Variants in CFAP54 observed in about 807,000 individuals in gnomAD.
The protein encoded by CFAP54 is cilia and flagella associated protein 54.
A neutral mutation model predicts 370.4 loss-of-function variants in CFAP54; 290 were observed. That is an observed-to-expected ratio of 0.78 (90% CI 0.71 to 0.86). The LOEUF (loss-of-function observed/expected upper bound fraction) is 0.86. CFAP54 is among the 40% of genes least tolerant of loss of function. The pLI is 0.00. For synonymous variants in CFAP54, 1,206 were observed against 1,236.5 expected (o/e 0.98, Z 0.52); for missense variants, 3,399 against 3,528.7 (o/e 0.96, Z 0.93).
intron 22 of CFAP54, among the ~76,000 whole-genome samples, chr12:96,581,336 A>G (rs1374548656): frequency 6.6e-6 from 1 of 152,166 alleles, no homozygotes; most frequent in Non-Finnish European, 1.5e-5. Flanking sequence ...TGTAACACAT[A>G]TATATTAATT....
intron 55 of CFAP54, among the ~76,000 whole-genome samples, chr12:96,749,994 A>G (rs1958164570): frequency 6.6e-6 from 1 of 152,204 alleles, no homozygotes; most frequent in Non-Finnish European, 1.5e-5. Context: ...TTCCCTGTGA[A>G]GCACCAGGAG....
rs746710187 is a variant in CFAP54, at chr12:96,651,711, A to G, written c.4996A>G (p.Ile1666Val). ...QAVDLDKTFP[I>V]SQDGFLCTSV... The stretch of plus-strand genomic sequence containing the variant: ...AGTGGATCTTGATAAAACATTTCCT[A>G]TTAGCCAAGATGGTTTCCTCTGCAC... Residue 1666 changes from isoleucine to valine, a missense_variant, in exon 36 of 68, where the codon ATT becomes GTT. Around this residue, in one of 3 missense-constraint regions of CFAP54, gnomAD observed 2,796 missense variants for 2,869.7 expected, o/e 0.97. Coordinates refer to ENST00000524981, the MANE Select transcript of CFAP54 (RefSeq NM_001306084.2). The G allele has an allele frequency of 2.5e-5, 41 of 1,613,952 alleles. No homozygotes were observed. The highest frequency in any genetic ancestry group is 7.7e-5 in the South Asian group (7 of 91,078).
In CFAP54 at chr12:96,522,132, A is replaced by T; in HGVS notation, c.1101A>T (p.Arg367Ser). Residue 367 changes from arginine to serine, a missense_variant, in exon 8 of 68, where the codon AGA (arginine) becomes AGT (serine). By Grantham distance (110) the Arg-to-Ser change is moderately radical. Around this residue, in one of 3 missense-constraint regions of CFAP54, gnomAD observed 559 missense variants for 576.7 expected, o/e 0.97. Coordinates refer to ENST00000524981, the MANE Select transcript of CFAP54 (RefSeq NM_001306084.2). ...IFKRGVFESRRKNKAVFRPKI... is the reference protein window; with the variant it reads ...IFKRGVFESRSKNKAVFRPKI... ...AAAGAGGAGTCTTTGAATCTAGAAG[A>T]AAAAACAAAGCTGTCTTTAGACCTA... 1 of 1,535,750 alleles carries T rather than the reference A, an allele frequency of 6.5e-7. No homozygotes were observed. Among genetic ancestry groups the T allele is most frequent in the Middle Eastern group, 1.7e-4 (1 of 5,936 alleles).
chr12:96,767,112 G>A (rs1958408662), intron 60 of CFAP54, among the ~76,000 whole-genome samples: 3 of 152,218 alleles, frequency 2.0e-5, no homozygotes, highest in Admixed American at 2.0e-4. Flanking sequence ...GCAAGTCATA[G>A]GGCCAAGTCC....
intron 50 of CFAP54, among the ~76,000 whole-genome samples, chr12:96,733,834 C>T (rs1957950771): frequency 6.6e-6 from 1 of 152,118 alleles, no homozygotes; most frequent in African/African-American, 2.4e-5. Flanking sequence ...GATGCCAAAC[C>T]TCATACCTTG....
intron 4 of CFAP54, among the ~76,000 whole-genome samples, chr12:96,510,236 G>A (rs373047100): frequency 6.1e-5 from 8 of 130,608 alleles, no homozygotes; most frequent in East Asian, 4.7e-4. Flanking sequence ...CTGGGCAACA[G>A]AGCAAGACTC....
At chr12:96,727,408 T>C (rs1052835717) in intron 50 of CFAP54, among the ~76,000 whole-genome samples, 2 of 147,314 alleles carry the variant, frequency 1.4e-5, no homozygotes, top group African/African-American at 5.1e-5. Flanking sequence ...TCTTGTTGAA[T>C]TGATCCCTTT....
intron 39 of CFAP54, among the ~76,000 whole-genome samples, chr12:96,677,079 T>C (rs1247284279): frequency 3.0e-5 from 1 of 33,410 alleles, no homozygotes; most frequent in Non-Finnish European, 5.3e-5. Flanking sequence ...CATAGCTCAC[T>C]GTAGCCTGGA....
intron 45 of CFAP54, among the ~76,000 whole-genome samples, chr12:96,694,213 G>T (rs1163609378): frequency 6.6e-6 from 1 of 152,166 alleles, no homozygotes; most frequent in Non-Finnish European, 1.5e-5. Context: ...GAATTAACAA[G>T]ATCAGATAGA....
intron 19 of CFAP54, chr12:96,573,037 C>G (rs1955938939): frequency 1.0e-6 from 1 of 985,258 alleles, no homozygotes; most frequent in Non-Finnish European, 1.2e-6. Flanking sequence ...GCTGGCTGGT[C>G]AGTGGAGATG....
Position 96,792,395 on chromosome 12 carries a change from G to C in CFAP54, c.8746G>C (p.Asp2916His), listed in dbSNP as rs1037473716. 24 of 1,535,678 alleles carry C rather than the reference G, an allele frequency of 1.6e-5. No homozygotes were observed. The African/African-American group carries it at 2.5e-4, about 16-fold the overall frequency. ...GCCTGTTTCAGGCTCATCTTGTGTGGACATAACGCCAATAGAAATGGTAAC... is the reference window on the plus strand; with the variant it reads ...GCCTGTTTCAGGCTCATCTTGTGTGCACATAACGCCAATAGAAATGGTAAC... ...FKPVSGSSCV[D>H]ITPIEMVTQA... The change falls in exon 63 of 68, where the codon GAC (aspartate) becomes CAC (histidine). Residue 2916 changes from aspartate (D) to histidine (H), a missense_variant. Coordinates refer to ENST00000524981, the MANE Select transcript of CFAP54 (RefSeq NM_001306084.2).
chr12:96,621,399 A>G (rs1956485833), intron 26 of CFAP54, among the ~76,000 whole-genome samples, 191 bp from the exon 27 acceptor site: 1 of 152,158 alleles, frequency 6.6e-6, no homozygotes, highest in South Asian at 2.1e-4. Context: ...AAATAGTTGA[A>G]TTATGCATCT....
intron 39 of CFAP54, among the ~76,000 whole-genome samples, chr12:96,671,750 C>T (rs899406093): frequency 3.3e-5 from 5 of 151,988 alleles, no homozygotes; most frequent in East Asian, 1.9e-4. Context: ...GGTGAAACCC[C>T]GTCTCTACTA....
At chr12:96,729,675 G>T (rs1212522541) in intron 50 of CFAP54, among the ~76,000 whole-genome samples, 1 of 152,182 alleles carries the variant, frequency 6.6e-6, no homozygotes, top group Non-Finnish European at 1.5e-5. Flanking sequence ...TTCAGCTCGC[G>T]CACGGCGCGC....
In CFAP54 at chr12:96,860,836, A is replaced by G; in HGVS notation, c.9189A>G (p.Ser3063=). ...TTCCTCAGGTCCCATTTGATATCTCACTGCCGTCTATATTCAATCTTGAGA... is the reference window on the plus strand; with the variant it reads ...TTCCTCAGGTCCCATTTGATATCTCGCTGCCGTCTATATTCAATCTTGAGA... ...TPLSEVPFDI[S]LPSIFNLERL... Residue 3063 remains serine (S), a synonymous_variant, in exon 67 of 68, where the codon TCA becomes TCG. Transcript: ENST00000524981. The G allele has an allele frequency of 6.5e-7, 1 of 1,529,060 alleles. No homozygotes were observed. The highest frequency in any genetic ancestry group is 8.8e-7 in the Non-Finnish European group (1 of 1,142,416). The allele number at this position is 1,529,060 out of a possible 1,614,324, so 94.7% of individuals were successfully genotyped here.
intron 60 of CFAP54, among the ~76,000 whole-genome samples, chr12:96,768,580 G>T (rs1958425373): frequency 6.6e-6 from 1 of 151,924 alleles, no homozygotes; most frequent in Non-Finnish European, 1.5e-5. Context: ...ATTGAACCTG[G>T]GAGGCAGAGG....
chr12:96,576,460 A>G (rs1225196170), intron 19 of CFAP54, 125 bp from the exon 20 acceptor site: 10 of 687,294 alleles, frequency 1.5e-5, no homozygotes, highest in Non-Finnish European at 2.0e-5. Flanking sequence ...TATATATTTG[A>G]GCCTCTGAGG....
intron 19 of CFAP54, among the ~76,000 whole-genome samples, chr12:96,573,522 G>A (rs985397214): frequency 6.6e-6 from 1 of 152,198 alleles, no homozygotes; most frequent in Non-Finnish European, 1.5e-5. Context: ...GGTGAAGAGG[G>A]AATGAGCCTC....
chr12:96,868,896 C>T (rs1050175837), intron 67 of CFAP54, among the ~76,000 whole-genome samples: 8 of 152,098 alleles, frequency 5.3e-5, no homozygotes, highest in Non-Finnish European at 1.0e-4. Flanking sequence ...AAGGGAAAAA[C>T]GGACTACATA....
Sources: gnomAD v4.1 joint callset for allele counts (sites outside exome capture counted in the v4.1 genomes callset) on GRCh38, gnomAD v4.1.1 for gene constraint, gnomAD v4.1.1 regional missense constraint, MANE v1.5 for transcripts, NCBI Gene and HGNC (gene_info 2026-07-23, HGNC 2026-07-21) for gene names.